OSBPL5: variants seen among roughly 807,000 people sequenced by gnomAD.
OSBPL5 encodes oxysterol binding protein like 5, also known as oxysterol-binding protein-related protein 5.
In OSBPL5, 71 loss-of-function variants were observed where a neutral mutation model predicts 111.2. The ratio of observed to expected loss-of-function variants is 0.64; its 90% CI spans 0.53 to 0.78. OSBPL5 has a LOEUF of 0.78. Among genes scored for constraint, OSBPL5 ranks in the 30% least tolerant of loss-of-function variants. The pLI is 0.00. For missense variants in OSBPL5, 1,210 were observed against 1,189.3 expected, an observed-to-expected ratio of 1.02 and a Z score of -0.26; for synonymous variants, 549 against 513.9, an observed-to-expected ratio of 1.07 and a Z score of -0.93.
At chr11:3,128,584 T>G (rs1273934801) in intron 2 of OSBPL5, among the ~76,000 whole-genome samples, 1 of 152,150 alleles carries the variant, frequency 6.6e-6, no homozygotes, top group Non-Finnish European at 1.5e-5. Context: ...GACCCATGTA[T>G]AGCTGGGAGT....
rs573593366 is a variant in OSBPL5, at chr11:3,146,174, C to T, written c.-21-17005G>A. On this transcript the variant is annotated intron_variant, in intron 1 of 21. Transcript: ENST00000263650. The surrounding 1 kb of genome is among the most constrained non-coding windows in gnomAD (Gnocchi z 7.8). ...AAAATAAGCCAGGGTCCCGCGGCCC[C>T]GTCGGAGCTCTCAGACCAGGGCGGG... is the stretch of plus-strand genomic sequence containing the variant. 5.3e-5 allele frequency: 8 copies of T among 152,370 alleles called. No homozygotes were observed. In the East Asian group the frequency reaches 9.6e-4, roughly 18 times the overall value. The allele number at this position is 152,370 out of a possible 1,614,324, so 9.4% of individuals were successfully genotyped here.
chr11:3,096,492 G>T (rs907354984), intron 14 of OSBPL5, among the ~76,000 whole-genome samples: 1 of 151,966 alleles, frequency 6.6e-6, no homozygotes, highest in African/African-American at 2.4e-5. Flanking sequence ...GGTGGCGCAC[G>T]CATGTAATGC....
Position 3,107,490 on chromosome 11 carries a change from C to G in OSBPL5, c.867-35G>C, listed in dbSNP as rs781098795. 6.2e-7 allele frequency: 1 copy of G among 1,608,958 alleles called. No individual in the cohort carries two copies. Among genetic ancestry groups the G allele is most frequent in the Non-Finnish European group, 8.5e-7 (1 of 1,176,346 alleles). On this transcript the variant is annotated intron_variant, in intron 8 of 21. Transcript: ENST00000263650. The surrounding 1 kb of genome is among the most constrained non-coding windows in gnomAD (Gnocchi z 6.1). ...GGATGGTGCCAGTGGGTCCCTGTCA[C>G]AGGTGAGAGCCCAGCACAGCCCTCT...
intron 10 of OSBPL5, among the ~76,000 whole-genome samples, chr11:3,103,885 C>CCTCTT (rs1857600126): frequency 2.0e-5 from 1 of 49,932 alleles, no homozygotes; most frequent in Non-Finnish European, 4.0e-5. Context: ...CCTCTGTAGC[C>CCTCTT]CCATTCCTGC....
Position 3,121,703 on chromosome 11 carries a change from T to C in OSBPL5, c.402+294A>G, listed in dbSNP as rs1211475194. The C allele has an allele frequency of 1.2e-5, 5 of 426,904 alleles. No homozygotes were observed. Among genetic ancestry groups the C allele is most frequent in the African/African-American group, 1.0e-4 (5 of 49,744 alleles). The allele number at this position is 426,904 out of a possible 1,614,324, so 26.4% of individuals were successfully genotyped here. ...TCCCTCCCCAGCGCCCTCCGCCCAC[T>C]GGCCAGGCCCCACCTTATTCGGAAA... On this transcript the variant is annotated intron_variant, in intron 5 of 21. Transcript: ENST00000263650. The surrounding 1 kb of genome is among the most constrained non-coding windows in gnomAD (Gnocchi z 4.3).
At chr11:3,144,542 C>T (rs1846270419) in intron 1 of OSBPL5, among the ~76,000 whole-genome samples, 1 of 152,262 alleles carries the variant, frequency 6.6e-6, no homozygotes, top group Non-Finnish European at 1.5e-5. Context: ...CGGGCTGGGC[C>T]TGGCCTGACC....
At chr11:3,100,115 A>G (rs1857400641) in intron 14 of OSBPL5, 43 bp downstream of exon 14, 12 of 1,585,546 alleles carry the variant, frequency 7.6e-6, no homozygotes, top group Non-Finnish European at 1.0e-5. Flanking sequence ...CTGCTCTCAC[A>G]GAGCCTGGCT....
In OSBPL5 at chr11:3,107,860, C is replaced by T. The variant is rs1337685869; in HGVS notation, c.777G>A (p.Gly259=). 13 of 1,609,232 alleles carry T rather than the reference C, an allele frequency of 8.1e-6. No homozygotes were observed. Among genetic ancestry groups the T allele is most frequent in the Non-Finnish European group, 1.0e-5 (12 of 1,179,930 alleles). Reference sequence around the variant, plus strand: ...ATGCGTCTGGCGAGGTCCCTGGCTCCCCGTCTCGGCCCGGCTTGCAGGTGC... The same window carrying T: ...ATGCGTCTGGCGAGGTCCCTGGCTCTCCGTCTCGGCCCGGCTTGCAGGTGC... The part of the protein sequence containing the change: ...RLGTCKPGRD[G]EPGTSPDASP... The change falls in exon 8 of 22, where the codon GGG becomes GGA. Residue 259 remains glycine, a synonymous_variant. Coordinates refer to ENST00000263650, the MANE Select transcript of OSBPL5 (RefSeq NM_020896.4). The surrounding 1 kb of genome is among the most constrained non-coding windows in gnomAD (Gnocchi z 6.1).
chr11:3,155,921 A>C (rs80068292), intron 1 of OSBPL5, among the ~76,000 whole-genome samples: 2,403 of 152,342 alleles, frequency 0.016, 23 homozygotes, highest in Non-Finnish European at 0.021. Flanking sequence ...CACCCTTCCC[A>C]GGCCCTCAGT....
rs1477188978 is a variant in OSBPL5 at position 3,162,820 on chromosome 11, C to T, written c.-22+2396G>A. Among the ~76,000 whole-genome samples, 1 of 152,112 alleles carries T rather than the reference C, an allele frequency of 6.6e-6. No individual in the cohort carries two copies. The highest frequency in any genetic ancestry group is 6.5e-5 in the Admixed American group (1 of 15,286). On this transcript the variant is annotated intron_variant, in intron 1 of 21. Transcript: ENST00000263650. The surrounding 1 kb of genome is among the most constrained non-coding windows in gnomAD (Gnocchi z 8.1). ...CAATATTCTTTTCCTTTGTGCCGGT[C>T]ACAAGCAGCATGAGGACATCCAGGG...
intron 1 of OSBPL5, among the ~76,000 whole-genome samples, chr11:3,158,630 G>A (rs1041303462): frequency 1.3e-5 from 2 of 152,224 alleles, no homozygotes; most frequent in African/African-American, 2.4e-5. Context: ...CTGCACACTG[G>A]TGCATGGTCA....
chr11:3,103,250 T>G lies in OSBPL5; in HGVS notation c.1315A>C (p.Lys439Gln). 1.2e-6 allele frequency: 2 copies of G among 1,603,874 alleles called. No individual in the cohort carries two copies. The highest frequency in any genetic ancestry group is 1.7e-6 in the Non-Finnish European group (2 of 1,175,084). The change falls in exon 11 of 22, where the codon AAG becomes CAG. Residue 439 changes from lysine (K) to glutamine (Q), a missense_variant. Lys to Gln is a moderately conservative substitution (Grantham distance 53). Coordinates refer to ENST00000263650, the MANE Select transcript of OSBPL5 (RefSeq NM_020896.4). ...VLRWYLSGFY[K>Q]KPKGIKKPYN... ...TGGCAGGGGCTCACCTTGGGCTTCT[T>G]GTAGAAGCCAGACAGGTACCACCGC...
At position 3,107,159 on chromosome 11, in the gene OSBPL5, G is replaced by A; in HGVS notation, c.1059+104C>T. On this transcript the variant is annotated intron_variant, in intron 9 of 21. Coordinates refer to ENST00000263650, the MANE Select transcript of OSBPL5 (RefSeq NM_020896.4). The surrounding 1 kb of genome is among the most constrained non-coding windows in gnomAD (Gnocchi z 6.1). ...TGATGGGGACAAAAGCTACCCCCTGGGCCCTGCGTGCTCCCCCTAGGATGA... is the reference window on the plus strand; with the variant it reads ...TGATGGGGACAAAAGCTACCCCCTGAGCCCTGCGTGCTCCCCCTAGGATGA... The A allele has an allele frequency of 7.7e-7, 1 of 1,300,112 alleles. No homozygotes were observed. Among genetic ancestry groups the A allele is most frequent in the Non-Finnish European group, 1.0e-6 (1 of 952,706 alleles). 80.5% of individuals were successfully genotyped at this position (1,300,112 alleles called of 1,614,324 possible).
In OSBPL5 at chr11:3,121,044, T is replaced by C. The variant is rs1858393985; in HGVS notation, c.403-420A>G. Among the ~76,000 whole-genome samples the C allele has an allele frequency of 6.7e-6, 1 of 149,248 alleles. No homozygotes were observed. The highest frequency in any genetic ancestry group is 1.5e-5 in the Non-Finnish European group (1 of 67,630). ...AGCAATGAGTGGTGTGACTTGTAAC[T>C]GGCAGCTTTGTAGATTCTTTTTTTT... is the stretch of plus-strand genomic sequence containing the variant. On this transcript the variant is annotated intron_variant, in intron 5 of 21. Coordinates refer to ENST00000263650, the MANE Select transcript of OSBPL5 (RefSeq NM_020896.4). This position sits in a 1 kb window ranked among gnomAD's most constrained non-coding sequence, Gnocchi z 4.3.
rs78647637 is a variant in OSBPL5, at chr11:3,161,731, A to G, written c.-22+3485T>C. ...TAGGAAGCCATTCAATTAAACAAAC[A>G]TGACCATTTCAGTATAAATAAAGAG... On this transcript the variant is annotated intron_variant, in intron 1 of 21. Coordinates refer to ENST00000263650, the MANE Select transcript of OSBPL5 (RefSeq NM_020896.4). The surrounding 1 kb of genome is among the most constrained non-coding windows in gnomAD (Gnocchi z 8.0). Among the ~76,000 whole-genome samples, 66 of 152,292 alleles carry G rather than the reference A, an allele frequency of 4.3e-4. No homozygotes were observed. In the East Asian group the frequency reaches 6.9e-3, roughly 16 times the overall value.
chr11:3,151,969 T>G (rs1048467758), intron 1 of OSBPL5, among the ~76,000 whole-genome samples: 1 of 152,264 alleles, frequency 6.6e-6, no homozygotes, highest in African/African-American at 2.4e-5. Context: ...CTCGGAAGTG[T>G]GCACGTCACC....
intron 14 of OSBPL5, among the ~76,000 whole-genome samples, chr11:3,096,632 CAGAA>C (rs1280172341): frequency 7.2e-6 from 1 of 138,118 alleles, no homozygotes; most frequent in Non-Finnish European, 1.6e-5. Context: ...AAAAAAAAGA[CAGAA>C]AGAAAGAAAG....
chr11:3,157,330 C>G (rs4758473), intron 1 of OSBPL5, among the ~76,000 whole-genome samples: 93,151 of 152,010 alleles, frequency 0.61, 29,303 homozygotes, highest in African/African-American at 0.72. Flanking sequence ...AAGGAAGGAG[C>G]CTGGACTTAC....
At chr11:3,151,625 G>A (rs940303700) in intron 1 of OSBPL5, among the ~76,000 whole-genome samples, 1 of 152,096 alleles carries the variant, frequency 6.6e-6, no homozygotes, top group African/African-American at 2.4e-5. Context: ...TTTCCCCCAC[G>A]GCACAAAAAA....
Sources: gnomAD v4.1 joint callset for allele counts (sites outside exome capture counted in the v4.1 genomes callset) on GRCh38, gnomAD v4.1.1 for gene constraint, Gnocchi (gnomAD v3.1) non-coding constraint, MANE v1.5 for transcripts, NCBI Gene and HGNC (gene_info 2026-07-23, HGNC 2026-07-21) for gene names.